The following RNF126 variants were observed in gnomAD, a reference collection of about 807,000 sequenced individuals.
The protein encoded by RNF126 is E3 ubiquitin-protein ligase RNF126.
A neutral mutation model predicts 41.9 loss-of-function variants in RNF126; 20 were observed. The observed-to-expected ratio is 0.48, with a 90% CI of 0.34 to 0.69. The LOEUF (loss-of-function observed/expected upper bound fraction) is 0.69, where lower values mean the gene tolerates loss of function less well. RNF126 is among the 30% of genes least tolerant of loss of function. The probability of loss-of-function intolerance (pLI) is 0.01; values close to 1 mark genes in which losing one functional copy is unlikely to be tolerated. For missense variants in RNF126, 433 were observed against 460.6 expected, an observed-to-expected ratio of 0.94 and a Z score of 0.55; for synonymous variants, 239 against 202.9, an observed-to-expected ratio of 1.18 and a Z score of -1.51.
chr19:662,386 G>A (rs532898875), intron 1 of RNF126, among the ~76,000 whole-genome samples: 15 of 152,312 alleles, frequency 9.8e-5, no homozygotes, highest in Non-Finnish European at 2.1e-4. Context: ...CTGGAGGAAG[G>A]GTGGGCTGCG....
rs1183588112 is a variant in RNF126 at position 659,996 on chromosome 19, C to T, written c.75+3051G>A. 6.6e-6 allele frequency among the ~76,000 whole-genome samples: 1 copy of T among 152,180 alleles called. No homozygotes were observed. Among genetic ancestry groups the T allele is most frequent in the African/African-American group, 2.4e-5 (1 of 41,448 alleles). ...GCCAGGCTGGTCTCGAACTCCTGAC[C>T]TCAGGTGATCCGTCCACCTCAGCCT... On this transcript the variant is annotated intron_variant, in intron 1 of 8. Coordinates refer to ENST00000292363, the MANE Select transcript of RNF126 (RefSeq NM_194460.3). This position sits in a 1 kb window ranked among gnomAD's most constrained non-coding sequence, Gnocchi z 4.9.
intron 1 of RNF126, among the ~76,000 whole-genome samples, chr19:654,733 G>A (rs1040798004): frequency 1.0e-4 from 15 of 149,856 alleles, no homozygotes; most frequent in African/African-American, 3.0e-4. Flanking sequence ...TTGGGAGGCC[G>A]AGGCAGGCGA....
chr19:651,858 G>A lies in RNF126; in HGVS notation c.199-3C>T. The A allele has an allele frequency of 6.2e-7, 1 of 1,603,676 alleles. No homozygotes were observed. ...GTGAACAGGTGCTGGTCCACGTGCT[G>A]GGGAGAGGAGGGGGGCGTGACCTCG... On this transcript the variant is annotated splice_region_variant and splice_polypyrimidine_tract_variant and intron_variant, in intron 3 of 8. Transcript: ENST00000292363.
intron 2 of RNF126, chr19:652,622 G>A (rs552181402): frequency 2.1e-4 from 127 of 615,748 alleles, no homozygotes; most frequent in South Asian, 5.5e-4. Flanking sequence ...ACAGGTTGCC[G>A]GCACTCCCCT....
At chr19:657,581 C>T (rs2030612750) in intron 1 of RNF126, among the ~76,000 whole-genome samples, 3 of 152,272 alleles carry the variant, frequency 2.0e-5, no homozygotes, top group Admixed American at 2.0e-4. Context: ...AACGCCCACC[C>T]TAGGGGTTTC....
At chr19:658,323 G>A (rs181586380) in intron 1 of RNF126, among the ~76,000 whole-genome samples, 2 of 152,160 alleles carry the variant, frequency 1.3e-5, no homozygotes, top group East Asian at 1.9e-4. Flanking sequence ...CGCATGGAGG[G>A]GAGTGGGCTG....
chr19:659,984 C>T lies in RNF126; in HGVS notation c.75+3063G>A, dbSNP rs546170889. ...TTTACCATGTTAGCCAGGCTGGTCTCGAACTCCTGACCTCAGGTGATCCGT... is the reference window on the plus strand; with the variant it reads ...TTTACCATGTTAGCCAGGCTGGTCTTGAACTCCTGACCTCAGGTGATCCGT... On this transcript the variant is annotated intron_variant, in intron 1 of 8. Coordinates refer to ENST00000292363, the MANE Select transcript of RNF126 (RefSeq NM_194460.3). The surrounding 1 kb of genome is among the most constrained non-coding windows in gnomAD (Gnocchi z 4.9). Among the ~76,000 whole-genome samples, 9 of 152,298 alleles carry T rather than the reference C, an allele frequency of 5.9e-5. No homozygotes were observed. The highest frequency in any genetic ancestry group is 4.8e-5 in the African/African-American group (2 of 41,572).
chr19:652,257 T>C lies in RNF126; in HGVS notation c.174A>G (p.Thr58=). The part of the protein sequence containing the change: ...ENGSAPSTAP[T]DQSRPPLEHV... ...CCTCCAACGGTGGCCGGCTCTGGTC[T>C]GTGGGAGCTGTGGAGGGGGCAGAAC... Residue 58 remains threonine (T), a synonymous_variant, in exon 3 of 9, where the codon ACA becomes ACG. Transcript: ENST00000292363. 6.5e-7 allele frequency: 1 copy of C among 1,546,536 alleles called. No homozygotes were observed.
chr19:649,011 C>CG, intron 6 of RNF126, 36 bp from the exon 7 acceptor site: 1 of 1,104,496 alleles, frequency 9.1e-7, no homozygotes, highest in Non-Finnish European at 1.2e-6. Context: ...GGGAGCTCCT[C>CG]GGGGGCCCGG....
At chr19:655,109 A>C (rs1324061249) in intron 1 of RNF126, among the ~76,000 whole-genome samples, 1 of 152,192 alleles carries the variant, frequency 6.6e-6, no homozygotes, top group Non-Finnish European at 1.5e-5. Flanking sequence ...CAGGAGCTTG[A>C]GACCAGCCTA....
At position 659,572 on chromosome 19, in the gene RNF126, G is replaced by T. The variant is rs551182154; in HGVS notation, c.75+3475C>A. 6.6e-6 allele frequency among the ~76,000 whole-genome samples: 1 copy of T among 152,264 alleles called. No homozygotes were observed. The highest frequency in any genetic ancestry group is 2.1e-4 in the South Asian group (1 of 4,826). ...CGCCCGCCTGGTTCCTGGGGGCTCA[G>T]TGCCCTCAGCAGCTCTCGCCCACAC... On this transcript the variant is annotated intron_variant, in intron 1 of 8. Coordinates refer to ENST00000292363, the MANE Select transcript of RNF126 (RefSeq NM_194460.3). This position sits in a 1 kb window ranked among gnomAD's most constrained non-coding sequence, Gnocchi z 4.9.
intron 1 of RNF126, chr19:661,298 G>A (rs1370926229): frequency 6.6e-6 from 1 of 152,566 alleles, no homozygotes; most frequent in African/African-American, 2.4e-5. Flanking sequence ...GCTTCCCAGG[G>A]GCTTCCCAGG....
intron 2 of RNF126, chr19:652,511 C>T (rs2030360775): frequency 1.7e-6 from 1 of 604,832 alleles, no homozygotes; most frequent in Non-Finnish European, 2.9e-6. Flanking sequence ...ACCCCAACAG[C>T]CTCCTAAGCG....
chr19:653,149 A>G (rs1360314837), intron 1 of RNF126, among the ~76,000 whole-genome samples: 2 of 148,658 alleles, frequency 1.3e-5, no homozygotes, highest in African/African-American at 2.5e-5. Context: ...CAGCGTCATC[A>G]GCGCCTTGGC....
chr19:661,908 T>C (rs1393552410), intron 1 of RNF126, among the ~76,000 whole-genome samples: 2 of 152,242 alleles, frequency 1.3e-5, no homozygotes, highest in East Asian at 3.9e-4. Flanking sequence ...CTGAGCCGGC[T>C]CTGCCACTTT....
intron 1 of RNF126, among the ~76,000 whole-genome samples, chr19:662,660 CCTCT>C (rs757275071): frequency 6.6e-6 from 1 of 152,168 alleles, no homozygotes; most frequent in Non-Finnish European, 1.5e-5. Flanking sequence ...CGGGCAATAC[CCTCT>C]CTCTGCTCGC....
intron 4 of RNF126, 75 bp downstream of exon 4, chr19:651,536 G>C (rs762909510): frequency 7.5e-7 from 1 of 1,338,248 alleles, no homozygotes; most frequent in Non-Finnish European, 9.6e-7. Flanking sequence ...CGTGGAACCC[G>C]TGCTGGATTC....
At chr19:649,421 G>A in intron 6 of RNF126, 1 of 531,176 alleles carries the variant, frequency 1.9e-6, no homozygotes, top group East Asian at 3.2e-5. Context: ...TCCTGACCAT[G>A]TGACTGTGGG....
In RNF126 at chr19:648,818, T is replaced by A. The variant is rs1253382049; in HGVS notation, c.670+64A>T. On this transcript the variant is annotated intron_variant, in intron 7 of 8. Coordinates refer to ENST00000292363, the MANE Select transcript of RNF126 (RefSeq NM_194460.3). ...ACCCTGTCTCTACTGAAAATACAAG[T>A]ATGAGCCAGGCGTGGCGGCGGGTGC... is the stretch of plus-strand genomic sequence containing the variant. The A allele has an allele frequency of 6.2e-6, 6 of 966,530 alleles. No individual in the cohort carries two copies. In the East Asian group the frequency reaches 1.1e-4, roughly 17 times the overall value. The allele number at this position is 966,530 out of a possible 1,614,324, so 59.9% of individuals were successfully genotyped here. A position where few individuals can be genotyped will look rare whatever the true frequency, so the allele number is the denominator to read the frequency against.
Sources: gnomAD v4.1 joint callset for allele counts (sites outside exome capture counted in the v4.1 genomes callset) on GRCh38, gnomAD v4.1.1 for gene constraint, Gnocchi (gnomAD v3.1) non-coding constraint, MANE v1.5 for transcripts, NCBI Gene and HGNC (gene_info 2026-07-23, HGNC 2026-07-21) for gene names.